The following SCD5 variants were observed in gnomAD, a reference collection of about 807,000 sequenced individuals.
SCD5 encodes the protein acyl-CoA-desaturase 4.
In SCD5, 20 loss-of-function variants were observed where a neutral mutation model predicts 30.4. The observed-to-expected ratio is 0.66, with a 90% CI of 0.46 to 0.96. The LOEUF is 0.96. Ranked by LOEUF, SCD5 falls within the 40% of genes least tolerant of loss-of-function variation. The pLI is 0.00. For synonymous variants in SCD5, 173 were observed against 176.4 expected (o/e 0.98, Z 0.16); for missense variants, 381 against 443.3 (o/e 0.86, Z 1.26).
In SCD5 at chr4:82,685,915, C is replaced by CCT. The variant is rs1728693499; in HGVS notation, c.364-5005_364-5004dup. ...TTAGAGATTTTTCACTTGTAGCACA[C>CCT]CTCCAGGGGCTTGCCGCATTTCAAG... On this transcript the variant is annotated intron_variant, in intron 2 of 4. Transcript: ENST00000319540. 3.9e-5 allele frequency among the ~76,000 whole-genome samples: 6 copies of CCT among 152,116 alleles called. No individual in the cohort carries two copies. In the Middle Eastern group the frequency reaches 0.021, roughly 521 times the overall value.
At chr4:82,778,802 G>A (rs962114167) in intron 1 of SCD5, among the ~76,000 whole-genome samples, 9 of 152,134 alleles carry the variant, frequency 5.9e-5, no homozygotes, top group Admixed American at 2.6e-4. Flanking sequence ...ATCTGTGAAT[G>A]TATTACATTA....
At chr4:82,768,040 CATTT>C (rs1207364630) in intron 1 of SCD5, among the ~76,000 whole-genome samples, 1 of 152,192 alleles carries the variant, frequency 6.6e-6, no homozygotes, top group Admixed American at 6.5e-5. Context: ...ACACCTGTCT[CATTT>C]ATTTAGCTAA....
intron 1 of SCD5, among the ~76,000 whole-genome samples, chr4:82,721,831 C>A (rs140648208): frequency 9.9e-4 from 151 of 152,334 alleles, no homozygotes; most frequent in African/African-American, 3.4e-3. Flanking sequence ...AATACAAATG[C>A]TAAAATCATT....
intron 1 of SCD5, among the ~76,000 whole-genome samples, chr4:82,783,664 G>T (rs1384652310): frequency 1.3e-5 from 2 of 152,004 alleles, no homozygotes; most frequent in African/African-American, 2.4e-5. Context: ...TTAGCTGGGC[G>T]TGGCAGCGCA....
At chr4:82,775,700 T>A (rs112090098) in intron 1 of SCD5, 1 of 151,644 alleles carries the variant, frequency 6.6e-6, no homozygotes, top group African/African-American at 2.4e-5. Flanking sequence ...CTAGAAAAAA[T>A]TTAAAAATTA....
intron 1 of SCD5, among the ~76,000 whole-genome samples, chr4:82,766,802 A>G (rs1721497606): frequency 6.6e-6 from 1 of 152,138 alleles, no homozygotes; most frequent in Non-Finnish European, 1.5e-5. Context: ...TTCGGCCTCC[A>G]GAGTAGCTGG....
chr4:82,690,362 A>G (rs73829966), intron 2 of SCD5, among the ~76,000 whole-genome samples: 1,792 of 152,350 alleles, frequency 0.012, 39 homozygotes, highest in African/African-American at 0.041. Context: ...ACCCAAGCTC[A>G]TGATTTTCTG....
intron 3 of SCD5, among the ~76,000 whole-genome samples, chr4:82,645,677 C>G (rs1160795973): frequency 6.6e-6 from 1 of 152,220 alleles, no homozygotes; most frequent in Non-Finnish European, 1.5e-5. Flanking sequence ...TTGCACACAA[C>G]AGCGCCCCAA....
intron 2 of SCD5, among the ~76,000 whole-genome samples, chr4:82,694,390 T>C (rs529225823): frequency 2.0e-5 from 3 of 152,334 alleles, no homozygotes; most frequent in East Asian, 3.9e-4. Context: ...TTTATGACTT[T>C]AGCATTATTT....
intron 2 of SCD5, 116 bp downstream of exon 2, chr4:82,705,167 G>C: frequency 3.1e-6 from 4 of 1,287,876 alleles, no homozygotes; most frequent in Non-Finnish European, 3.2e-6. Context: ...GGCGTGCTTG[G>C]GGCCTGAACA....
rs78600090 is a variant in SCD5, at chr4:82,696,596, T to A, written c.363+8687A>T. Among the ~76,000 whole-genome samples the A allele has an allele frequency of 1.5e-3, 235 of 152,304 alleles. 2 individuals are homozygous for A. The highest frequency in any genetic ancestry group is 5.4e-3 in the African/African-American group (226 of 41,550). On this transcript the variant is annotated intron_variant, in intron 2 of 4. Coordinates refer to ENST00000319540, the MANE Select transcript of SCD5 (RefSeq NM_001037582.3). ...GCAGACATCATTGAGGAAAGAGGAA[T>A]AACACAGATGGATCCAAAGAGGTTA...
intron 3 of SCD5, among the ~76,000 whole-genome samples, chr4:82,673,078 G>A (rs1277511400): frequency 2.0e-5 from 3 of 152,046 alleles, no homozygotes; most frequent in Non-Finnish European, 4.4e-5. Flanking sequence ...AAAGGTGAGA[G>A]ACTATATACT....
At chr4:82,760,449 T>G (rs529848908) in intron 1 of SCD5, among the ~76,000 whole-genome samples, 1 of 152,304 alleles carries the variant, frequency 6.6e-6, no homozygotes, top group East Asian at 1.9e-4. Context: ...CAGGCTGAAA[T>G]GCAGTGGCAC....
intron 3 of SCD5, among the ~76,000 whole-genome samples, chr4:82,656,502 A>C (rs1727870747): frequency 6.6e-6 from 1 of 151,788 alleles, no homozygotes; most frequent in African/African-American, 2.4e-5. Context: ...CCAGCCTATA[A>C]ATGGGCATTT....
At chr4:82,797,323 A>G (rs1722246896) in intron 1 of SCD5, among the ~76,000 whole-genome samples, 1 of 152,206 alleles carries the variant, frequency 6.6e-6, no homozygotes, top group African/African-American at 2.4e-5. Flanking sequence ...CTCACTCAGC[A>G]TATCAATGCC....
intron 3 of SCD5, among the ~76,000 whole-genome samples, chr4:82,676,915 C>T (rs1251563780): frequency 6.6e-6 from 1 of 152,202 alleles, no homozygotes; most frequent in Non-Finnish European, 1.5e-5. Flanking sequence ...TGACAGCCTT[C>T]GTAAGATTAT....
At chr4:82,681,193 C>T (rs1440140328) in intron 2 of SCD5, among the ~76,000 whole-genome samples, 1 of 152,042 alleles carries the variant, frequency 6.6e-6, no homozygotes, top group Non-Finnish European at 1.5e-5. Context: ...AGTGCAGAGA[C>T]CTGAAGGAAA....
chr4:82,778,696 C>A (rs2148850605), intron 1 of SCD5, among the ~76,000 whole-genome samples: 1 of 152,282 alleles, frequency 6.6e-6, no homozygotes, highest in East Asian at 1.9e-4. Context: ...CCAGGTAGTA[C>A]CTATGATAAC....
At chr4:82,638,687 G>A (rs1393257239) in intron 3 of SCD5, among the ~76,000 whole-genome samples, 3 of 152,152 alleles carry the variant, frequency 2.0e-5, no homozygotes, top group South Asian at 2.1e-4. Flanking sequence ...TGTTACATCC[G>A]TGCCAGCAGG....
Sources: allele counts gnomAD v4.1 joint callset (sites outside exome capture counted in the v4.1 genomes callset), GRCh38; gene constraint gnomAD v4.1.1; transcripts MANE v1.5; gene names NCBI Gene and HGNC (gene_info 2026-07-23, HGNC 2026-07-21).